Variants in TRAK2 observed in about 807,000 individuals in gnomAD.
TRAK2 encodes trafficking kinesin-binding protein 2.
Under a neutral mutation model 104.6 loss-of-function variants are expected in TRAK2, and 81 were observed. That is an observed-to-expected ratio of 0.77 (90% CI 0.65 to 0.93). TRAK2 has a LOEUF of 0.93. Among genes scored for constraint, TRAK2 ranks in the 40% least tolerant of loss-of-function variants. The probability of loss-of-function intolerance (pLI) is 0.00; values close to 1 mark genes in which losing one functional copy is unlikely to be tolerated. For synonymous variants in TRAK2, 406 were observed against 394.4 expected (o/e 1.03, Z -0.35); for missense variants, 1,002 against 1,089.0 (o/e 0.92, Z 1.12).
intron 1 of TRAK2, among the ~76,000 whole-genome samples, chr2:201,427,073 A>T (rs1951795075): frequency 6.6e-6 from 1 of 152,226 alleles, no homozygotes; most frequent in African/African-American, 2.4e-5. Flanking sequence ...AATAAAAATG[A>T]CAAATTCCTA....
chr2:201,449,764 G>C (rs895691163), intron 1 of TRAK2, among the ~76,000 whole-genome samples: 1 of 151,852 alleles, frequency 6.6e-6, no homozygotes, highest in Non-Finnish European at 1.5e-5. Flanking sequence ...TTCTGCCTTA[G>C]CCTCCGAGTA....
intron 15 of TRAK2, 131 bp downstream of exon 15, chr2:201,383,980 T>C: frequency 1.5e-6 from 1 of 663,280 alleles, no homozygotes; most frequent in Middle Eastern, 2.7e-4. Flanking sequence ...TGTGAAAATA[T>C]TCTAAAGACA....
Position 201,449,139 on chromosome 2 carries a change from T to C in TRAK2, c.-200+2211A>G, listed in dbSNP as rs147717243. ...GCAGTTCAGTAAGAAATGGGAATTG[T>C]AGGCAGAGAGAATCAGTTTGTTCAA... On this transcript the variant is annotated intron_variant, in intron 1 of 15. Transcript: ENST00000332624. Among the ~76,000 whole-genome samples the C allele has an allele frequency of 1.4e-4, 22 of 152,330 alleles. No homozygotes were observed. In the East Asian group the frequency reaches 4.2e-3, roughly 29 times the overall value.
intron 7 of TRAK2, among the ~76,000 whole-genome samples, chr2:201,395,857 T>C (rs1233246371): frequency 6.6e-6 from 1 of 152,128 alleles, no homozygotes; most frequent in Non-Finnish European, 1.5e-5. Flanking sequence ...GCAATGAAAA[T>C]TAATCTTAAC....
At chr2:201,437,749 C>T (rs1053542193) in intron 1 of TRAK2, among the ~76,000 whole-genome samples, 2 of 152,192 alleles carry the variant, frequency 1.3e-5, no homozygotes, top group Non-Finnish European at 2.9e-5. Flanking sequence ...TCTTAACCCT[C>T]TCTACTCTGA....
intron 15 of TRAK2, 72 bp from the exon 16 acceptor site, chr2:201,381,290 G>A (rs1456841536): frequency 3.7e-6 from 5 of 1,351,114 alleles, no homozygotes; most frequent in Non-Finnish European, 4.0e-6. Flanking sequence ...GGCATTTAAA[G>A]AAATTATAGT....
intron 14 of TRAK2, among the ~76,000 whole-genome samples, chr2:201,384,989 T>C (rs1464644108): frequency 1.3e-5 from 2 of 152,144 alleles, no homozygotes; most frequent in Non-Finnish European, 2.9e-5. Flanking sequence ...ACAGACAAAC[T>C]ATAGTAATTC....
chr2:201,389,636 C>A, intron 11 of TRAK2, 133 bp from the exon 12 acceptor site: 1 of 1,109,892 alleles, frequency 9.0e-7, no homozygotes, highest in South Asian at 1.5e-5. Context: ...AGAAAATAAG[C>A]TTTCAAACAA....
At chr2:201,391,813 G>C (rs1951450531) in intron 10 of TRAK2, among the ~76,000 whole-genome samples, 1 of 152,144 alleles carries the variant, frequency 6.6e-6, no homozygotes, top group South Asian at 2.1e-4. Context: ...GGATGCATCA[G>C]ACAATCCTAA....
chr2:201,395,208 G>T, intron 8 of TRAK2, 106 bp downstream of exon 8: 1 of 952,774 alleles, frequency 1.0e-6, no homozygotes, highest in East Asian at 2.5e-5. Context: ...CATTTTAAAA[G>T]GGCAGGGACA....
At chr2:201,404,409 T>C (rs1165578198) in intron 3 of TRAK2, among the ~76,000 whole-genome samples, 2 of 152,184 alleles carry the variant, frequency 1.3e-5, no homozygotes, top group Non-Finnish European at 2.9e-5. Context: ...TACAGAACAA[T>C]TTTGCAACTT....
At chr2:201,395,570 A>T in intron 7 of TRAK2, 126 bp from the exon 8 acceptor site, 1 of 973,134 alleles carries the variant, frequency 1.0e-6, no homozygotes, top group South Asian at 4.0e-5. Context: ...TTTTTCTTAA[A>T]CATAAAAAAA....
At chr2:201,384,258 T>A (rs1951369119) in intron 14 of TRAK2, 42 bp from the exon 15 acceptor site, 1 of 1,343,672 alleles carries the variant, frequency 7.4e-7, no homozygotes, top group Non-Finnish European at 1.1e-6. Context: ...ATTGAAAGTC[T>A]AGATTAATAA....
intron 2 of TRAK2, among the ~76,000 whole-genome samples, chr2:201,414,193 A>G (rs543799849): frequency 1.3e-5 from 2 of 152,032 alleles, no homozygotes; most frequent in East Asian, 3.9e-4. Context: ...GAACAAACTG[A>G]GCTTTTGTGT....
intron 12 of TRAK2, 166 bp from the exon 13 acceptor site, chr2:201,388,167 A>C: frequency 1.4e-6 from 1 of 706,264 alleles, no homozygotes. Context: ...ATCACCAACA[A>C]CACTATATAT....
At chr2:201,390,987 A>C (rs1203129080) in intron 10 of TRAK2, among the ~76,000 whole-genome samples, 2 of 152,078 alleles carry the variant, frequency 1.3e-5, no homozygotes, top group Non-Finnish European at 2.9e-5. Context: ...ACATATATAT[A>C]CACATATATA....
At chr2:201,393,901 C>T (rs1338363550) in intron 9 of TRAK2, among the ~76,000 whole-genome samples, 1 of 152,140 alleles carries the variant, frequency 6.6e-6, no homozygotes, top group African/African-American at 2.4e-5. Flanking sequence ...GCGTGCACCA[C>T]TACACCTAGC....
rs1013905922 is a variant in TRAK2 at position 201,381,068 on chromosome 2, G to A, written c.2220C>T (p.Ser740=). 5 of 1,613,998 alleles carry A rather than the reference G, an allele frequency of 3.1e-6. No homozygotes were observed. The African/African-American group carries it at 6.7e-5, about 22-fold the overall frequency. The change falls in exon 16 of 16, where the codon AGC becomes AGT. Residue 740 remains serine (S), a synonymous_variant. Transcript: ENST00000332624. ...DSTTTFSSTM[S]LAKLLQERGI... ...CTCGCTCTTGTAGAAGTTTGGCCAA[G>A]CTCATGGTGCTACTGAAGGTTGTAG...
chr2:201,434,103 G>T (rs1180525670), intron 1 of TRAK2, among the ~76,000 whole-genome samples: 1 of 152,058 alleles, frequency 6.6e-6, no homozygotes, highest in Non-Finnish European at 1.5e-5. Context: ...GACTACAGGC[G>T]TCCGCCACCG....
Sources: gnomAD v4.1 joint callset for allele counts (sites outside exome capture counted in the v4.1 genomes callset) on GRCh38, gnomAD v4.1.1 for gene constraint, MANE v1.5 for transcripts, NCBI Gene and HGNC (gene_info 2026-07-23, HGNC 2026-07-21) for gene names.